KCNMB2: variants seen among roughly 807,000 people sequenced by gnomAD.
The protein encoded by KCNMB2 is potassium calcium-activated channel subfamily M regulatory beta subunit 2.
Under a neutral mutation model 24.5 loss-of-function variants are expected in KCNMB2, and 9 were observed. The ratio of observed to expected loss-of-function variants is 0.37; its 90% CI spans 0.22 to 0.64. The LOEUF is 0.64. Among genes scored for constraint, KCNMB2 ranks in the 30% least tolerant of loss-of-function variants. The probability of loss-of-function intolerance (pLI) is 0.63; values close to 1 mark genes in which losing one functional copy is unlikely to be tolerated. For synonymous variants in KCNMB2, 109 were observed against 104.4 expected (o/e 1.04, Z -0.27); for missense variants, 226 against 284.3 (o/e 0.79, Z 1.47).
intron 1 of KCNMB2, among the ~76,000 whole-genome samples, chr3:178,594,840 C>T (rs1717807442): frequency 6.6e-6 from 1 of 152,094 alleles, no homozygotes; most frequent in South Asian, 2.1e-4. Flanking sequence ...TCCCAACTTA[C>T]ACAACAATAC....
chr3:178,765,527 A>G (rs1389331261), intron 1 of KCNMB2, among the ~76,000 whole-genome samples: 1 of 150,978 alleles, frequency 6.6e-6, no homozygotes, highest in Non-Finnish European at 1.5e-5. Context: ...TGTCACCTAC[A>G]CAATCTGTCA....
intron 1 of KCNMB2, among the ~76,000 whole-genome samples, chr3:178,655,330 T>A (rs550308344): frequency 2.6e-5 from 4 of 152,256 alleles, no homozygotes; most frequent in Admixed American, 2.6e-4. Context: ...TTTAAAGTAG[T>A]ATAAGGCAGT....
At chr3:178,620,120 T>A (rs981171046) in intron 1 of KCNMB2, among the ~76,000 whole-genome samples, 2 of 152,172 alleles carry the variant, frequency 1.3e-5, no homozygotes, top group African/African-American at 4.8e-5. Context: ...AATGTTTATA[T>A]ATATTATGAT....
rs777270285 is a variant in KCNMB2 at position 178,579,883 on chromosome 3, C to T, written c.-68+43172C>T. On this transcript the variant is annotated intron_variant, in intron 1 of 4. Coordinates refer to ENST00000452583, the MANE Select transcript of KCNMB2 (RefSeq NM_181361.3). ...CTGAAATTGAGGCAGTAATTAATCGCCTACCAACCAAAAAAGCCCAGGACC... is the reference window on the plus strand; with the variant it reads ...CTGAAATTGAGGCAGTAATTAATCGTCTACCAACCAAAAAAGCCCAGGACC... 2.8e-4 allele frequency among the ~76,000 whole-genome samples: 43 copies of T among 152,166 alleles called. 2 individuals are homozygous for T. The highest frequency in any genetic ancestry group is 6.8e-3 in the Middle Eastern group (2 of 294).
chr3:178,698,794 T>C (rs916477755), intron 1 of KCNMB2, among the ~76,000 whole-genome samples: 1 of 152,226 alleles, frequency 6.6e-6, no homozygotes, highest in African/African-American at 2.4e-5. Flanking sequence ...ATTTTTTTCT[T>C]TTATTCTATT....
chr3:178,542,859 A>T (rs956111299), intron 1 of KCNMB2, among the ~76,000 whole-genome samples: 3 of 152,186 alleles, frequency 2.0e-5, no homozygotes, highest in Non-Finnish European at 2.9e-5. Context: ...TCTTGGTTTG[A>T]ATCCCAGTTC....
chr3:178,618,243 T>C (rs1718784373), intron 1 of KCNMB2, among the ~76,000 whole-genome samples: 1 of 152,220 alleles, frequency 6.6e-6, no homozygotes, highest in Non-Finnish European at 1.5e-5. Context: ...TGGATTTCCT[T>C]CTAGTTATTA....
At chr3:178,645,774 G>A (rs771994513) in intron 1 of KCNMB2, among the ~76,000 whole-genome samples, 1 of 152,172 alleles carries the variant, frequency 6.6e-6, no homozygotes, top group African/African-American at 2.4e-5. Context: ...GCTGTACTCT[G>A]ACTGAGGTGG....
chr3:178,769,121 C>T (rs761676660), intron 1 of KCNMB2, among the ~76,000 whole-genome samples: 3 of 152,158 alleles, frequency 2.0e-5, no homozygotes, highest in African/African-American at 4.8e-5. Flanking sequence ...TCTAAATGTG[C>T]CTTCTTCTAT....
chr3:178,778,492 ACACACACAC>A (rs1243238968), intron 1 of KCNMB2, among the ~76,000 whole-genome samples: 1 of 127,662 alleles, frequency 7.8e-6, no homozygotes, highest in African/African-American at 3.1e-5. Context: ...ACACACACAC[ACACACACAC>A]ACCTGTTCCA....
intron 1 of KCNMB2, among the ~76,000 whole-genome samples, chr3:178,603,301 T>C (rs1315955277): frequency 1.3e-5 from 2 of 152,116 alleles, no homozygotes; most frequent in Admixed American, 1.3e-4. Context: ...TATATGTTAT[T>C]AAGGAGCTAA....
intron 1 of KCNMB2, among the ~76,000 whole-genome samples, chr3:178,753,823 A>G (rs1218023398): frequency 1.3e-5 from 2 of 152,200 alleles, no homozygotes; most frequent in Middle Eastern, 3.4e-3. Context: ...CTTTCATAGC[A>G]GTTTTCAAGA....
At chr3:178,584,517 A>G (rs539049206) in intron 1 of KCNMB2, among the ~76,000 whole-genome samples, 1 of 150,138 alleles carries the variant, frequency 6.7e-6, no homozygotes, top group South Asian at 2.2e-4. Flanking sequence ...CTGAATAGGT[A>G]AAAGCACCTA....
chr3:178,693,747 T>A (rs1193811513), intron 1 of KCNMB2, among the ~76,000 whole-genome samples: 2 of 152,178 alleles, frequency 1.3e-5, no homozygotes, highest in African/African-American at 4.8e-5. Flanking sequence ...ATAAGGATGA[T>A]GCTGGCCTCC....
intron 1 of KCNMB2, among the ~76,000 whole-genome samples, chr3:178,803,372 G>A (rs1355966941): frequency 3.3e-5 from 5 of 152,220 alleles, no homozygotes; most frequent in African/African-American, 1.2e-4. Context: ...ACAATTGAAA[G>A]AAGGAAAGAG....
At chr3:178,834,796 A>C (rs1715165384) in intron 4 of KCNMB2, among the ~76,000 whole-genome samples, 1 of 152,202 alleles carries the variant, frequency 6.6e-6, no homozygotes, top group Non-Finnish European at 1.5e-5. Context: ...TGACTGACAA[A>C]GTTTAGTCAC....
At position 178,836,655 on chromosome 3, in the gene KCNMB2, A is replaced by G. The variant is rs1351014835; in HGVS notation, c.424-5998A>G. 2.0e-5 allele frequency among the ~76,000 whole-genome samples: 3 copies of G among 152,186 alleles called. No homozygotes were observed. In the East Asian group the frequency reaches 5.8e-4, roughly 29 times the overall value. On this transcript the variant is annotated intron_variant, in intron 4 of 4. Transcript: ENST00000452583. ...AGTCACATGTTAAAGCACAAAAGAAAGAATGACCTATAGCCATGGTAAAAT... is the reference window on the plus strand; with the variant it reads ...AGTCACATGTTAAAGCACAAAAGAAGGAATGACCTATAGCCATGGTAAAAT...
At chr3:178,804,527 A>G (rs1713890484) in intron 1 of KCNMB2, among the ~76,000 whole-genome samples, 1 of 152,228 alleles carries the variant, frequency 6.6e-6, no homozygotes, top group Non-Finnish European at 1.5e-5. Context: ...AGTCCTTTCC[A>G]ACAAGATTTA....
chr3:178,653,935 T>C lies in KCNMB2; in HGVS notation c.-68+117224T>C, dbSNP rs78518111. 4.4e-3 allele frequency among the ~76,000 whole-genome samples: 671 copies of C among 152,240 alleles called. 1 individual carries two copies. The highest frequency in any genetic ancestry group is 0.015 in the African/African-American group (640 of 41,568). On this transcript the variant is annotated intron_variant, in intron 1 of 4. Coordinates refer to ENST00000452583, the MANE Select transcript of KCNMB2 (RefSeq NM_181361.3). The stretch of plus-strand genomic sequence containing the variant: ...AAATGAGTTAGAAAATCTTCCCTTT[T>C]TTTACTACTTTCTGAAAACTCTTTC...
Sources: allele counts gnomAD v4.1 joint callset (sites outside exome capture counted in the v4.1 genomes callset), GRCh38; gene constraint gnomAD v4.1.1; transcripts MANE v1.5; gene names NCBI Gene and HGNC (gene_info 2026-07-23, HGNC 2026-07-21).